The following PCDHGA3 variants were observed in gnomAD, a reference collection of about 807,000 sequenced individuals.
The protein encoded by PCDHGA3 is protocadherin gamma-A3.
PCDHGA3 carries 40 observed loss-of-function variants against 58.5 expected under a neutral mutation model. The observed-to-expected ratio is 0.68, with a 90% confidence interval of 0.53 to 0.89. The LOEUF (loss-of-function observed/expected upper bound fraction) is 0.89. Among genes scored for constraint, PCDHGA3 ranks in the 40% least tolerant of loss-of-function variants. The pLI, the probability that PCDHGA3 is intolerant of heterozygous loss-of-function variation, is 0.00. For synonymous variants in PCDHGA3, 530 were observed against 525.7 expected (o/e 1.01, Z -0.11); for missense variants, 1,223 against 1,195.9 (o/e 1.02, Z -0.33).
intron 1 of PCDHGA3, among the ~76,000 whole-genome samples, chr5:141,362,942 A>T (rs141459764): frequency 6.6e-6 from 1 of 152,354 alleles, no homozygotes; most frequent in African/African-American, 2.4e-5. Context: ...TCATTTTAGT[A>T]GGCTTTGGAA....
chr5:141,420,076 T>A, intron 1 of PCDHGA3: 2 of 1,613,956 alleles, frequency 1.2e-6, no homozygotes, highest in Non-Finnish European at 1.7e-6. Context: ...GACCTGTGGG[T>A]CCCCCCAACT....
chr5:141,410,155 G>T, intron 1 of PCDHGA3: 1 of 1,612,898 alleles, frequency 6.2e-7, no homozygotes. Context: ...ACGGTGGACA[G>T]CCGCCACTCT....
At chr5:141,366,394 C>T in intron 1 of PCDHGA3, 2 of 1,614,168 alleles carry the variant, frequency 1.2e-6, no homozygotes, top group Non-Finnish European at 1.7e-6. Flanking sequence ...AGGATCTGGA[C>T]CTCACACTCT....
chr5:141,373,110 T>C (rs878923875), intron 1 of PCDHGA3, among the ~76,000 whole-genome samples: 8 of 152,232 alleles, frequency 5.3e-5, no homozygotes, highest in African/African-American at 1.9e-4. Flanking sequence ...GACATATCTA[T>C]CCAGAATTAG....
At chr5:141,378,584 A>T (rs1775030344) in intron 1 of PCDHGA3, 1 of 152,240 alleles carries the variant, frequency 6.6e-6, no homozygotes, top group Admixed American at 6.5e-5. Flanking sequence ...CATGCTCGGT[A>T]GTGTCTGCTT....
intron 1 of PCDHGA3, among the ~76,000 whole-genome samples, chr5:141,449,579 ACT>A (rs370512396): frequency 0.052 from 7,360 of 141,924 alleles, 400 homozygotes; most frequent in African/African-American, 0.14. Flanking sequence ...ACAGAGCAAG[ACT>A]CTGTCTCAAA....
Position 141,432,878 on chromosome 5 carries a change from TTCGTCA to T in PCDHGA3, c.2425-61926_2425-61921del. 6.2e-7 allele frequency: 1 copy of T among 1,614,178 alleles called. No individual in the cohort carries two copies. The highest frequency in any genetic ancestry group is 1.7e-5 in the Admixed American group (1 of 60,036). Reference sequence around the variant, plus strand: ...CGCGGTCTCCTGCGTCTTCCTGGCCTTCGTCATCTTGCTGCTGGCGCTCAGGCTGCG... The same window carrying T: ...CGCGGTCTCCTGCGTCTTCCTGGCCTTCTTGCTGCTGGCGCTCAGGCTGCG... On this transcript the variant is annotated intron_variant, in intron 1 of 3. Transcript: ENST00000253812. This position sits in a 1 kb window ranked among gnomAD's most constrained non-coding sequence, Gnocchi z 6.0.
Position 141,432,599 on chromosome 5 carries a change from C to T in PCDHGA3, c.2425-62208C>T. 2.5e-6 allele frequency: 4 copies of T among 1,613,908 alleles called. No individual in the cohort carries two copies. The highest frequency in any genetic ancestry group is 2.7e-5 in the African/African-American group (2 of 75,052). On this transcript the variant is annotated intron_variant, in intron 1 of 3. Coordinates refer to ENST00000253812, the MANE Select transcript of PCDHGA3 (RefSeq NM_018916.4). The surrounding 1 kb of genome is among the most constrained non-coding windows in gnomAD (Gnocchi z 6.0). Reference sequence around the variant, plus strand: ...CTACCGTCTGCTCAAGGCCAGCGAGCCGGGACTCTTCTCGGTGGGTCTGCA... The same window carrying T: ...CTACCGTCTGCTCAAGGCCAGCGAGTCGGGACTCTTCTCGGTGGGTCTGCA...
Position 141,364,261 on chromosome 5 carries a change from T to C in PCDHGA3, c.2424+17804T>C. On this transcript the variant is annotated intron_variant, in intron 1 of 3. Coordinates refer to ENST00000253812, the MANE Select transcript of PCDHGA3 (RefSeq NM_018916.4). ...ATTTTCGTCAGGGAATATGTACCCA[T>C]CGGCTTTAGATAAATAAGGAAACAG... The C allele has an allele frequency of 5.3e-6, 8 of 1,504,792 alleles. No individual in the cohort carries two copies. The South Asian group carries it at 1.1e-4, about 21-fold the overall frequency. The allele number at this position is 1,504,792 out of a possible 1,614,324, so 93.2% of individuals were successfully genotyped here. A position where few individuals can be genotyped will look rare whatever the true frequency, so the allele number is the denominator to read the frequency against.
At chr5:141,437,652 A>T (rs899628392) in intron 1 of PCDHGA3, among the ~76,000 whole-genome samples, 1 of 152,196 alleles carries the variant, frequency 6.6e-6, no homozygotes, top group African/African-American at 2.4e-5. Context: ...AAGCAAACAC[A>T]TAGTTTCGAA....
At chr5:141,393,710 G>A (rs143738602) in intron 1 of PCDHGA3, 4 of 1,613,794 alleles carry the variant, frequency 2.5e-6, no homozygotes, top group Non-Finnish European at 3.4e-6. Flanking sequence ...AAAATACTGG[G>A]GAAATATCAA....
At chr5:141,400,668 G>A in intron 1 of PCDHGA3, 3 of 970,702 alleles carry the variant, frequency 3.1e-6, no homozygotes, top group Non-Finnish European at 4.6e-6. Context: ...TCTTTAAGAG[G>A]AGCAGTAAAT....
Position 141,476,129 on chromosome 5 carries a change from G to A in PCDHGA3, c.2425-18678G>A. ...GCTTTTGAGTGAGATGGTCCCAGAG[G>A]CCTGGAGGAGCGGACTGGTAAGCAC... On this transcript the variant is annotated intron_variant, in intron 1 of 3. Transcript: ENST00000253812. This position sits in a 1 kb window ranked among gnomAD's most constrained non-coding sequence, Gnocchi z 7.6. The A allele has an allele frequency of 6.2e-7, 1 of 1,606,848 alleles. No homozygotes were observed. The highest frequency in any genetic ancestry group is 8.5e-7 in the Non-Finnish European group (1 of 1,177,814).
At chr5:141,394,688 G>A (rs770742323) in intron 1 of PCDHGA3, 3 of 1,611,882 alleles carry the variant, frequency 1.9e-6, no homozygotes, top group Middle Eastern at 1.7e-4. Flanking sequence ...ACACGGGCGA[G>A]GTGCGCACGG....
At chr5:141,462,121 T>A (rs977258025) in intron 1 of PCDHGA3, among the ~76,000 whole-genome samples, 2 of 151,730 alleles carry the variant, frequency 1.3e-5, no homozygotes, top group Non-Finnish European at 2.9e-5. Context: ...CTGCACCCAG[T>A]CCAATTTTTT....
intron 3 of PCDHGA3, among the ~76,000 whole-genome samples, chr5:141,509,265 C>G (rs1296179995): frequency 1.3e-5 from 2 of 152,138 alleles, no homozygotes; most frequent in African/African-American, 4.8e-5. Flanking sequence ...TTTAGTCACT[C>G]TCGCTACCCG....
intron 1 of PCDHGA3, among the ~76,000 whole-genome samples, chr5:141,484,184 AG>A (rs1328674334): frequency 6.6e-6 from 1 of 152,244 alleles, no homozygotes; most frequent in Non-Finnish European, 1.5e-5. Flanking sequence ...CAATCATTCA[AG>A]GAAGCTATTA....
chr5:141,419,395 G>T (rs374575981), intron 1 of PCDHGA3: 50 of 1,613,478 alleles, frequency 3.1e-5, no homozygotes, highest in Non-Finnish European at 4.0e-5. Flanking sequence ...CGCAGAGCGG[G>T]GTGGTGTTCG....
intron 1 of PCDHGA3, chr5:141,355,437 G>A (rs746063927): frequency 5.0e-6 from 8 of 1,613,990 alleles, no homozygotes; most frequent in African/African-American, 1.3e-5. Context: ...CCCTGAACCC[G>A]CGCAGCGGCA....
Sources: allele counts gnomAD v4.1 joint callset (sites outside exome capture counted in the v4.1 genomes callset), GRCh38; gene constraint gnomAD v4.1.1; non-coding constraint Gnocchi (gnomAD v3.1); transcripts MANE v1.5; gene names NCBI Gene and HGNC (gene_info 2026-07-23, HGNC 2026-07-21).